The following ZMAT4 variants were observed in gnomAD, a reference collection of about 807,000 sequenced individuals.
ZMAT4 encodes zinc finger matrin-type 4.
A neutral mutation model predicts 28.7 loss-of-function variants in ZMAT4; 17 were observed. The observed-to-expected ratio is 0.59, with a 90% CI of 0.41 to 0.89. ZMAT4 has a LOEUF of 0.89. Among genes scored for constraint, ZMAT4 ranks in the 40% least tolerant of loss-of-function variants. The pLI, the probability that ZMAT4 is intolerant of heterozygous loss-of-function variation, is 0.00. For synonymous variants in ZMAT4, 117 were observed against 109.2 expected, an observed-to-expected ratio of 1.07 and a Z score of -0.44; for missense variants, 240 against 283.8, an observed-to-expected ratio of 0.85 and a Z score of 1.11.
rs759362816 is a variant in ZMAT4, at chr8:40,875,721, A to G, written c.-5+21962T>C. On this transcript the variant is annotated intron_variant, in intron 1 of 6. Transcript: ENST00000297737. ...GCAACTGAGGTCATGCTACTCCCCC[A>G]GGAAGTACAAGTTCTGCCCACAGTG... Among the ~76,000 whole-genome samples, 10 of 152,106 alleles carry G rather than the reference A, an allele frequency of 6.6e-5. 1 individual carries two copies. The highest frequency in any genetic ancestry group is 1.2e-4 in the Non-Finnish European group (8 of 68,022).
chr8:40,739,064 C>A (rs562810622), intron 3 of ZMAT4, among the ~76,000 whole-genome samples: 7 of 152,258 alleles, frequency 4.6e-5, no homozygotes, highest in South Asian at 2.1e-4. Flanking sequence ...ATTAGTTTCT[C>A]AAAACCAAGG....
intron 1 of ZMAT4, among the ~76,000 whole-genome samples, chr8:40,853,162 T>C (rs564154216): frequency 1.4e-4 from 21 of 152,214 alleles, no homozygotes; most frequent in Non-Finnish European, 2.9e-4. Flanking sequence ...CAAGACAATC[T>C]TTGTACTTTG....
At chr8:40,631,974 C>G (rs994135570) in intron 5 of ZMAT4, among the ~76,000 whole-genome samples, 2 of 152,226 alleles carry the variant, frequency 1.3e-5, no homozygotes, top group African/African-American at 2.4e-5. Context: ...TGCATAAGAG[C>G]TAAGTGATTT....
intron 3 of ZMAT4, among the ~76,000 whole-genome samples, chr8:40,757,880 C>T (rs1287399564): frequency 1.3e-5 from 2 of 152,066 alleles, no homozygotes; most frequent in African/African-American, 2.4e-5. Flanking sequence ...CTAATCAAGG[C>T]TGCCAGTGTG....
At chr8:40,884,145 T>C (rs1034165489) in intron 1 of ZMAT4, among the ~76,000 whole-genome samples, 9 of 152,114 alleles carry the variant, frequency 5.9e-5, no homozygotes, top group Non-Finnish European at 1.2e-4. Flanking sequence ...CATGCTACTC[T>C]CTGAGAAAAA....
intron 3 of ZMAT4, among the ~76,000 whole-genome samples, chr8:40,729,200 C>A (rs4236931): frequency 0.97 from 147,601 of 152,296 alleles, 71,696 homozygotes; most frequent in East Asian, 1. Context: ...AGGGCTAGGA[C>A]ATGATGTCTT....
At chr8:40,629,102 C>T (rs181116831) in intron 5 of ZMAT4, among the ~76,000 whole-genome samples, 2 of 151,344 alleles carry the variant, frequency 1.3e-5, no homozygotes, top group Admixed American at 1.3e-4. Context: ...TGTTATACTT[C>T]CATGATTCGA....
intron 1 of ZMAT4, among the ~76,000 whole-genome samples, chr8:40,874,484 G>A (rs766444224): frequency 6.6e-6 from 1 of 152,174 alleles, no homozygotes; most frequent in African/African-American, 2.4e-5. Context: ...TTCCCCAATG[G>A]AATGATCCAC....
chr8:40,791,963 A>G (rs1814344490), intron 2 of ZMAT4, among the ~76,000 whole-genome samples: 1 of 152,202 alleles, frequency 6.6e-6, no homozygotes, highest in African/African-American at 2.4e-5. Context: ...TTGCTTCAAA[A>G]TCCACCAGTG....
At chr8:40,791,707 C>A (rs1043945330) in intron 2 of ZMAT4, among the ~76,000 whole-genome samples, 1 of 152,180 alleles carries the variant, frequency 6.6e-6, no homozygotes, top group Non-Finnish European at 1.5e-5. Context: ...TAGCTATTGA[C>A]CAACTACGGA....
At chr8:40,879,527 G>C (rs898004669) in intron 1 of ZMAT4, among the ~76,000 whole-genome samples, 2 of 152,184 alleles carry the variant, frequency 1.3e-5, no homozygotes, top group Non-Finnish European at 2.9e-5. Flanking sequence ...AAAGCCTTCT[G>C]ATGGGCTTCT....
intron 1 of ZMAT4, among the ~76,000 whole-genome samples, chr8:40,878,072 A>G (rs1481547160): frequency 6.6e-6 from 1 of 152,242 alleles, no homozygotes; most frequent in Admixed American, 6.5e-5. Flanking sequence ...TGAATTTTCA[A>G]GCCTTAAAAA....
intron 5 of ZMAT4, among the ~76,000 whole-genome samples, chr8:40,615,188 T>A (rs545749210): frequency 9.2e-5 from 14 of 152,254 alleles, no homozygotes; most frequent in Non-Finnish European, 1.8e-4. Flanking sequence ...CTTATGAAGC[T>A]TAGTTTGGCT....
chr8:40,563,661 G>A (rs982308584), intron 6 of ZMAT4, among the ~76,000 whole-genome samples: 18 of 152,132 alleles, frequency 1.2e-4, no homozygotes, highest in Admixed American at 9.2e-4. Flanking sequence ...GAATTACAAT[G>A]ATATCTTATG....
intron 3 of ZMAT4, among the ~76,000 whole-genome samples, chr8:40,747,596 G>GAA (rs556207507): frequency 1.3e-5 from 2 of 149,088 alleles, no homozygotes; most frequent in African/African-American, 4.9e-5. Context: ...AAAGCATACA[G>GAA]AAAAAAAAAC....
intron 2 of ZMAT4, among the ~76,000 whole-genome samples, chr8:40,782,774 A>T (rs1485687625): frequency 6.6e-6 from 1 of 152,210 alleles, no homozygotes. Context: ...GAGATATACA[A>T]ATGGTCAATA....
chr8:40,639,533 T>C (rs1189381903), intron 5 of ZMAT4, among the ~76,000 whole-genome samples: 1 of 152,166 alleles, frequency 6.6e-6, no homozygotes, highest in African/African-American at 2.4e-5. Flanking sequence ...ATCTCATTTT[T>C]CTTGGGGTCA....
chr8:40,601,389 G>T (rs1164330132), intron 5 of ZMAT4, among the ~76,000 whole-genome samples: 1 of 136,984 alleles, frequency 7.3e-6, no homozygotes, highest in Non-Finnish European at 1.5e-5. Context: ...AAGAAGGAAG[G>T]AAGGAAGGAG....
Position 40,653,311 on chromosome 8 carries a change from T to G in ZMAT4, c.577+21393A>C, listed in dbSNP as rs182682157. 2.3e-3 allele frequency among the ~76,000 whole-genome samples: 349 copies of G among 151,896 alleles called. 3 individuals carry two copies. The highest frequency in any genetic ancestry group is 8.1e-3 in the African/African-American group (337 of 41,450). On this transcript the variant is annotated intron_variant, in intron 5 of 6. Transcript: ENST00000297737. ...AACATTTAAAAACATAAGAAAGATC[T>G]CAATTCAATAACTAAACTTCTATCT... is the stretch of plus-strand genomic sequence containing the variant.
Sources: allele counts gnomAD v4.1 joint callset (sites outside exome capture counted in the v4.1 genomes callset), GRCh38; gene constraint gnomAD v4.1.1; transcripts MANE v1.5; gene names NCBI Gene and HGNC (gene_info 2026-07-23, HGNC 2026-07-21).